TNFRSF14: variants seen among roughly 807,000 people sequenced by gnomAD.
TNFRSF14 encodes the protein tumor necrosis factor receptor superfamily member 14.
A neutral mutation model predicts 34.1 loss-of-function variants in TNFRSF14; 18 were observed. The ratio of observed to expected loss-of-function variants is 0.53; its 90% confidence interval spans 0.36 to 0.78. The LOEUF (loss-of-function observed/expected upper bound fraction) is 0.78. Among genes scored for constraint, TNFRSF14 ranks in the 30% least tolerant of loss-of-function variants. The pLI, the probability that TNFRSF14 is intolerant of heterozygous loss-of-function variation, is 0.00. For synonymous variants in TNFRSF14, 157 were observed against 153.2 expected, an observed-to-expected ratio of 1.02 and a Z score of -0.18; for missense variants, 352 against 379.5, an observed-to-expected ratio of 0.93 and a Z score of 0.60.
At chr1:2,557,679 C>T (rs1349924507) in intron 1 of TNFRSF14, 47 bp from the exon 2 acceptor site, 1 of 1,443,450 alleles carries the variant, frequency 6.9e-7, no homozygotes, top group African/African-American at 1.4e-5. Flanking sequence ...TGGCAGAGCC[C>T]ACAGGGCAGC....
At position 2,558,446 on chromosome 1, in the gene TNFRSF14, G is replaced by A. The variant is rs1392739647; in HGVS notation, c.282G>A (p.Leu94=). 1 of 1,613,232 alleles carries A rather than the reference G, an allele frequency of 6.2e-7. No individual in the cohort carries two copies. The highest frequency in any genetic ancestry group is 1.7e-5 in the Admixed American group (1 of 59,910). The change falls in exon 3 of 8, where the codon CTG becomes CTA. Residue 94 remains leucine (L), a synonymous_variant. Coordinates refer to ENST00000355716, the MANE Select transcript of TNFRSF14 (RefSeq NM_003820.4). ...ACCTCAATGGCCTAAGCAAGTGTCT[G>A]CAGTGCCAAATGTGTGACCCAGGTA... ...IAHLNGLSKC[L]QCQMCDPAMG...
At chr1:2,560,922 A>AC (rs1644299711) in intron 5 of TNFRSF14, 1 of 568,792 alleles carries the variant, frequency 1.8e-6, no homozygotes, top group African/African-American at 1.9e-5. Context: ...ACAAAGCCTC[A>AC]TCAGATCTGA....
At chr1:2,563,101 CA>C (rs768050907) in intron 7 of TNFRSF14, 46 bp from the exon 8 acceptor site, 5 of 1,608,190 alleles carry the variant, frequency 3.1e-6, no homozygotes, top group Admixed American at 1.7e-5. Flanking sequence ...CCTGGAGTCC[CA>C]GGGGGGCCTG....
At chr1:2,554,492 G>A (rs913783121), upstream of TNFRSF14, among the ~76,000 whole-genome samples, 4 of 152,132 alleles carry the variant, frequency 2.6e-5, no homozygotes, top group African/African-American at 4.8e-5. This position sits in a 1 kb window ranked among gnomAD's most constrained non-coding sequence, Gnocchi z 4.2. Flanking sequence ...GGGGAGCAGG[G>A]AGCGGGGACA....
In TNFRSF14 at chr1:2,561,466, C is replaced by T. The variant is rs938131523; in HGVS notation, c.552-207C>T. 1.3e-6 allele frequency: 2 copies of T among 1,494,036 alleles called. No individual in the cohort carries two copies. The highest frequency in any genetic ancestry group is 1.8e-6 in the Non-Finnish European group (2 of 1,117,212). The allele number at this position is 1,494,036 out of a possible 1,614,324, so 92.5% of individuals were successfully genotyped here. A position where few individuals can be genotyped will look rare whatever the true frequency, so the allele number is the denominator to read the frequency against. ...CCAGTCTCTCCTTGTTTCTCTTCTC[C>T]TCCTTCCTTCTCTCCACCTCCCCAT... is the stretch of plus-strand genomic sequence containing the variant. On this transcript the variant is annotated intron_variant, in intron 5 of 7. Coordinates refer to ENST00000355716, the MANE Select transcript of TNFRSF14 (RefSeq NM_003820.4). The surrounding 1 kb of genome is among the most constrained non-coding windows in gnomAD (Gnocchi z 6.0).
upstream of TNFRSF14, chr1:2,556,304 A>C: frequency 1.7e-6 from 1 of 578,700 alleles, no homozygotes; most frequent in South Asian, 1.5e-5. Flanking sequence ...CCCCTTCTAC[A>C]GGAAACCCGG....
chr1:2,557,993 C>T (rs1644244136), intron 2 of TNFRSF14, among the ~76,000 whole-genome samples, 159 bp downstream of exon 2: 1 of 152,210 alleles, frequency 6.6e-6, no homozygotes, highest in Non-Finnish European at 1.5e-5. Flanking sequence ...ACCCCCAGGC[C>T]AGCAGCTTGG....
At position 2,560,663 on chromosome 1, in the gene TNFRSF14, C is replaced by T. The variant is rs201844409; in HGVS notation, c.500C>T (p.Pro167Leu). 2.5e-5 allele frequency: 40 copies of T among 1,613,418 alleles called. No homozygotes were observed. The highest frequency in any genetic ancestry group is 8.0e-5 in the African/African-American group (6 of 74,886). The change falls in exon 5 of 8, where the codon CCG becomes CTG. Residue 167 changes from proline (P) to leucine (L), a missense_variant. Pro to Leu is a moderately conservative substitution (Grantham distance 98). Transcript: ENST00000355716. ...SQDTLCQNCP[P>L]GTFSPNGTLE... is the part of the protein sequence containing the mutation. ...GACACCCTGTGTCAGAACTGCCCCC[C>T]GGGGACCTTCTCTCCCAATGGGACC...
In TNFRSF14 at chr1:2,560,675, C is replaced by A; in HGVS notation, c.512C>A (p.Ser171Tyr). 1 of 1,613,560 alleles carries A rather than the reference C, an allele frequency of 6.2e-7. No individual in the cohort carries two copies. Among genetic ancestry groups the A allele is most frequent in the Non-Finnish European group, 8.5e-7 (1 of 1,179,948 alleles). The part of the protein sequence containing the change: ...LCQNCPPGTF[S>Y]PNGTLEECQH... ...CAGAACTGCCCCCCGGGGACCTTCT[C>A]TCCCAATGGGACCCTGGAGGAATGT... is the stretch of plus-strand genomic sequence containing the variant. Residue 171 changes from serine (S) to tyrosine (Y), a missense_variant, in exon 5 of 8, where the codon TCT becomes TAT. Physicochemically the swap from Ser to Tyr is moderately radical, Grantham distance 144. Transcript: ENST00000355716.
chr1:2,558,981 C>T, intron 3 of TNFRSF14: 1 of 1,366,736 alleles, frequency 7.3e-7, no homozygotes, highest in East Asian at 3.5e-5. Context: ...CAGAGGTGGC[C>T]TTTGAGTCAC....
Position 2,556,409 on chromosome 1 carries a change from T to G in TNFRSF14, c.-256T>G, listed in dbSNP as rs766236654. Reference sequence around the variant, plus strand: ...CCCTCGGCTTTGCCTGGACAGCTCCTGCCTCCCGCAGGGCCCACCTGTGTC... The same window carrying G: ...CCCTCGGCTTTGCCTGGACAGCTCCGGCCTCCCGCAGGGCCCACCTGTGTC... On this transcript the variant is annotated 5_prime_UTR_variant, in exon 1 of 8. Transcript: ENST00000355716. The G allele has an allele frequency of 1.9e-5, 13 of 687,228 alleles. No homozygotes were observed. The South Asian group carries it at 2.0e-4, about 10-fold the overall frequency. 42.6% of individuals were successfully genotyped at this position (687,228 alleles called of 1,614,324 possible). A position where few individuals can be genotyped will look rare whatever the true frequency, so the allele number is the denominator to read the frequency against.
chr1:2,560,877 C>T (rs1644299116), intron 5 of TNFRSF14, 163 bp downstream of exon 5: 2 of 636,570 alleles, frequency 3.1e-6, no homozygotes, highest in South Asian at 3.9e-5. Context: ...GGGCTGAAGC[C>T]TGTGTGCCCC....
intron 3 of TNFRSF14, 174 bp downstream of exon 3, chr1:2,558,642 C>T (rs1025949616): frequency 2.9e-5 from 38 of 1,298,630 alleles, no homozygotes; most frequent in African/African-American, 6.0e-5. Context: ...GGTCAGCCTC[C>T]GGCCCCCGTC....
chr1:2,557,863 C>T (rs769780526), intron 2 of TNFRSF14, 29 bp downstream of exon 2: 1 of 1,558,396 alleles, frequency 6.4e-7, no homozygotes, highest in African/African-American at 1.4e-5. Context: ...CGGGCCAGCT[C>T]TGTGGGCCGA....
At chr1:2,558,805 G>C in intron 3 of TNFRSF14, 3 of 1,320,200 alleles carry the variant, frequency 2.3e-6, no homozygotes, top group South Asian at 3.0e-5. Context: ...AGTGGAATGG[G>C]ATGGTGCTGG....
chr1:2,556,950 C>T (rs1644224614), intron 1 of TNFRSF14: 5 of 514,502 alleles, frequency 9.7e-6, no homozygotes, highest in Non-Finnish European at 1.7e-5. Flanking sequence ...CCCAGCAGAC[C>T]TCCTCCTGCG....
chr1:2,561,752 G>C lies in TNFRSF14; in HGVS notation c.631G>C (p.Val211Leu), dbSNP rs377722036. 56 of 1,613,612 alleles carry C rather than the reference G, an allele frequency of 3.5e-5. No individual in the cohort carries two copies. The highest frequency in any genetic ancestry group is 4.6e-5 in the Non-Finnish European group (54 of 1,179,984). ...WVWWFLSGSLVIVIVCSTVGL... is the reference protein window; with the variant it reads ...WVWWFLSGSLLIVIVCSTVGL... The stretch of plus-strand genomic sequence containing the variant: ...ATGGTGGTTTCTCTCAGGGAGCCTC[G>C]TCATCGTCATTGTTTGCTCCACAGT... Residue 211 changes from valine to leucine, a missense_variant, in exon 6 of 8, where the codon GTC becomes CTC. Coordinates refer to ENST00000355716, the MANE Select transcript of TNFRSF14 (RefSeq NM_003820.4). This position sits in a 1 kb window ranked among gnomAD's most constrained non-coding sequence, Gnocchi z 6.0.
Position 2,563,474 on chromosome 1 carries a change from G to T in TNFRSF14, c.*201G>T, listed in dbSNP as rs1355907609. 6.4e-6 allele frequency: 5 copies of T among 777,576 alleles called. No individual in the cohort carries two copies. Among genetic ancestry groups the T allele is most frequent in the Non-Finnish European group, 9.9e-6 (5 of 502,872 alleles). The allele number at this position is 777,576 out of a possible 1,614,324, so 48.2% of individuals were successfully genotyped here. A position where few individuals can be genotyped will look rare whatever the true frequency, so the allele number is the denominator to read the frequency against. ...CCACGTGCCATTCCCATGGGCCAGT[G>T]AGGGCCTGGGGCCTCTGTTCTGCTG... On this transcript the variant is annotated 3_prime_UTR_variant, in exon 8 of 8. Coordinates refer to ENST00000355716, the MANE Select transcript of TNFRSF14 (RefSeq NM_003820.4).
At position 2,563,353 on chromosome 1, in the gene TNFRSF14, C is replaced by A; in HGVS notation, c.*80C>A. 1 of 1,577,492 alleles carries A rather than the reference C, an allele frequency of 6.3e-7. No homozygotes were observed. The highest frequency in any genetic ancestry group is 1.2e-5 in the South Asian group (1 of 86,798). ...GAGGCTGTCCACCTGGCGGAACCAC[C>A]GGAGCCCGGAGGCTTGGGGGCTCCG... On this transcript the variant is annotated 3_prime_UTR_variant, in exon 8 of 8. Coordinates refer to ENST00000355716, the MANE Select transcript of TNFRSF14 (RefSeq NM_003820.4).
Sources: allele counts gnomAD v4.1 joint callset (sites outside exome capture counted in the v4.1 genomes callset), GRCh38; gene constraint gnomAD v4.1.1; non-coding constraint Gnocchi (gnomAD v3.1); transcripts MANE v1.5; gene names NCBI Gene and HGNC (gene_info 2026-07-23, HGNC 2026-07-21).